CNBD1: variants seen among roughly 807,000 people sequenced by gnomAD.
The protein encoded by CNBD1 is cyclic nucleotide binding domain containing 1, also known as cyclic nucleotide-binding domain-containing protein 1.
CNBD1 carries 71 observed loss-of-function variants against 54.4 expected under a neutral mutation model. The observed-to-expected ratio is 1.30, with a 90% CI of 1.08 to 1.59. The LOEUF is 1.59. Among genes scored for constraint, CNBD1 ranks in the 40% most tolerant of loss-of-function variants. The pLI, the probability that CNBD1 is intolerant of heterozygous loss-of-function variation, is 0.00. For missense variants in CNBD1, 659 were observed against 518.0 expected (o/e 1.27, Z -2.64); for synonymous variants, 182 against 170.7 (o/e 1.07, Z -0.51).
At chr8:86,900,347 A>G (rs182464079) in intron 2 of CNBD1, among the ~76,000 whole-genome samples, 3 of 152,288 alleles carry the variant, frequency 2.0e-5, no homozygotes, top group Admixed American at 2.0e-4. Flanking sequence ...AGTTTTTAAT[A>G]AAGAAATCTT....
intron 4 of CNBD1, among the ~76,000 whole-genome samples, chr8:87,065,402 A>G (rs184118794): frequency 6.6e-6 from 1 of 151,994 alleles, no homozygotes; most frequent in African/African-American, 2.4e-5. Context: ...GAGGATTTAC[A>G]TTGCTTCTGA....
chr8:87,219,907 C>G (rs1814292951), intron 5 of CNBD1, among the ~76,000 whole-genome samples: 1 of 151,812 alleles, frequency 6.6e-6, no homozygotes, highest in South Asian at 2.1e-4. Flanking sequence ...TGTCCATTCA[C>G]TAGTTCATAT....
At chr8:87,119,905 T>C (rs938050792) in intron 4 of CNBD1, among the ~76,000 whole-genome samples, 8 of 152,130 alleles carry the variant, frequency 5.3e-5, no homozygotes, top group Non-Finnish European at 1.0e-4. Context: ...TGTTGAACTA[T>C]CCTTGCATCC....
intron 6 of CNBD1, among the ~76,000 whole-genome samples, chr8:87,250,542 A>G (rs1807894530): frequency 6.6e-6 from 1 of 152,208 alleles, no homozygotes; most frequent in Admixed American, 6.5e-5. Context: ...TTGCAGCACT[A>G]TTCACAATAG....
intron 8 of CNBD1, among the ~76,000 whole-genome samples, chr8:87,297,409 G>A (rs1201953071): frequency 2.0e-5 from 3 of 151,780 alleles, no homozygotes; most frequent in Admixed American, 2.0e-4. Flanking sequence ...CTACCCTATG[G>A]GATAGCACAG....
intron 4 of CNBD1, among the ~76,000 whole-genome samples, chr8:87,091,106 C>A (rs1324845799): frequency 6.9e-6 from 1 of 145,860 alleles, no homozygotes; most frequent in African/African-American, 2.6e-5. Context: ...TGCTACTACA[C>A]TCCAGCCTGG....
intron 8 of CNBD1, among the ~76,000 whole-genome samples, chr8:87,326,195 C>T: frequency 7.9e-6 from 1 of 125,822 alleles, no homozygotes; most frequent in Non-Finnish European, 1.8e-5. Context: ...ATGGGCTTCC[C>T]TTTGAGGGTA....
At chr8:87,224,417 G>A (rs1171884699) in intron 5 of CNBD1, among the ~76,000 whole-genome samples, 1,977 of 151,358 alleles carry the variant, frequency 0.013, 55 homozygotes, top group African/African-American at 0.046. Flanking sequence ...ATTGATTTTT[G>A]TATAAGGCGT....
chr8:87,031,414 C>T (rs1303791270), intron 4 of CNBD1, among the ~76,000 whole-genome samples: 1 of 152,060 alleles, frequency 6.6e-6, no homozygotes, highest in Non-Finnish European at 1.5e-5. Context: ...ACACTTCAGC[C>T]TGTTTATCAT....
intron 6 of CNBD1, among the ~76,000 whole-genome samples, chr8:87,237,522 G>C (rs779015137): frequency 1.5e-4 from 23 of 152,158 alleles, no homozygotes; most frequent in Non-Finnish European, 2.9e-4. Context: ...GCAATGCTAA[G>C]ATAGTCAAGT....
At chr8:86,925,188 G>T (rs1327221947) in intron 3 of CNBD1, among the ~76,000 whole-genome samples, 3 of 152,186 alleles carry the variant, frequency 2.0e-5, no homozygotes, top group African/African-American at 7.2e-5. Flanking sequence ...CAGCACTCTT[G>T]GTTAGCAAAA....
intron 1 of CNBD1, among the ~76,000 whole-genome samples, chr8:86,874,925 C>G (rs112169720): frequency 0.013 from 1,858 of 148,500 alleles, 42 homozygotes; most frequent in African/African-American, 0.043. Context: ...TACTCCCAGG[C>G]CCTCTCAGTG....
At chr8:86,990,766 A>C (rs1254523925) in intron 4 of CNBD1, among the ~76,000 whole-genome samples, 1 of 152,154 alleles carries the variant, frequency 6.6e-6, no homozygotes, top group Admixed American at 6.5e-5. Context: ...CATTGAATCT[A>C]TAGATTGCTT....
chr8:86,971,874 C>CAT (rs1180107437), intron 4 of CNBD1, among the ~76,000 whole-genome samples: 22 of 152,152 alleles, frequency 1.4e-4, no homozygotes, highest in African/African-American at 4.8e-4. Context: ...TTTAAGTAAA[C>CAT]AATGCAATCT....
intron 4 of CNBD1, among the ~76,000 whole-genome samples, chr8:87,017,524 C>A (rs112093108): frequency 2.0e-5 from 3 of 152,016 alleles, no homozygotes; most frequent in African/African-American, 7.2e-5. Flanking sequence ...TAATGTTTCC[C>A]AAAAAGTTCC....
rs1169804729 is a variant in CNBD1 at position 87,223,500 on chromosome 8, T to A, written c.578-13419T>A. 4.6e-5 allele frequency among the ~76,000 whole-genome samples: 7 copies of A among 151,868 alleles called. No homozygotes were observed. In the South Asian group the frequency reaches 1.2e-3, roughly 27 times the overall value. On this transcript the variant is annotated intron_variant, in intron 5 of 10. Transcript: ENST00000518476. ...AGTGAGAATATGCAGTGTTTGGTTT[T>A]TTGTTCTTGCGATAGTTTACTGAGA...
At chr8:87,220,483 T>A (rs1274696473) in intron 5 of CNBD1, among the ~76,000 whole-genome samples, 1 of 150,140 alleles carries the variant, frequency 6.7e-6, no homozygotes, top group Non-Finnish European at 1.5e-5. Flanking sequence ...TCCTGGAACC[T>A]CCCCTAACTG....
At chr8:87,383,188 G>T (rs532012297), downstream of CNBD1, among the ~76,000 whole-genome samples, 1 of 151,954 alleles carries the variant, frequency 6.6e-6, no homozygotes, top group Non-Finnish European at 1.5e-5. Flanking sequence ...TTTCCTTGAT[G>T]TGATTATATT....
intron 8 of CNBD1, among the ~76,000 whole-genome samples, chr8:87,336,787 G>T (rs1317539415): frequency 3.3e-5 from 5 of 152,128 alleles, no homozygotes; most frequent in Admixed American, 3.3e-4. Flanking sequence ...TGGCCTTTTG[G>T]ATTTTCAGTG....
Sources: allele counts gnomAD v4.1 joint callset (sites outside exome capture counted in the v4.1 genomes callset), GRCh38; gene constraint gnomAD v4.1.1; transcripts MANE v1.5; gene names NCBI Gene and HGNC (gene_info 2026-07-23, HGNC 2026-07-21).